The following SMARCC2 variants were observed in gnomAD, a reference collection of about 807,000 sequenced individuals.
SMARCC2 encodes SWI/SNF related BAF chromatin remodeling complex subunit C2, also known as SWI/SNF complex subunit SMARCC2.
A neutral mutation model predicts 151.3 loss-of-function variants in SMARCC2; 15 were observed. The ratio of observed to expected loss-of-function variants is 0.10; its 90% confidence interval spans 0.07 to 0.15. SMARCC2 has a LOEUF of 0.15. SMARCC2 is among the 10% of genes least tolerant of loss of function. The pLI, the probability that SMARCC2 is intolerant of heterozygous loss-of-function variation, is 1.00. For missense variants in SMARCC2, 1,031 were observed against 1,599.7 expected, an observed-to-expected ratio of 0.64 and a Z score of 6.06; for synonymous variants, 590 against 609.5, an observed-to-expected ratio of 0.97 and a Z score of 0.47.
intron 26 of SMARCC2, 42 bp downstream of exon 26, chr12:56,168,018 T>C: frequency 1.9e-6 from 3 of 1,576,424 alleles, no homozygotes; most frequent in Non-Finnish European, 2.6e-6. Flanking sequence ...GATTTTAAAC[T>C]GAGGCACAGC....
intron 28 of SMARCC2, 37 bp downstream of exon 28, chr12:56,164,265 CT>C (rs1565889335): frequency 1.9e-6 from 3 of 1,596,098 alleles, no homozygotes; most frequent in Non-Finnish European, 2.6e-6. Flanking sequence ...AGGTGGACCC[CT>C]CTCCCTCACC....
chr12:56,181,031 T>A lies in SMARCC2; in HGVS notation c.1027A>T (p.Met343Leu). Residue 343 changes from methionine (M) to leucine (L), a missense_variant, in exon 11 of 29, where the codon ATG (methionine) becomes TTG (leucine). Met to Leu is a conservative substitution (Grantham distance 15, BLOSUM62 2). Around this residue, in one of 12 missense-constraint regions of SMARCC2, gnomAD observed 127 missense variants for 141.7 expected, o/e 0.90. Transcript: ENST00000550164. ...TTGGGGACTGGTGAGGGCTCGTCCA[T>A]GTCCTTTGTCAGGTCTTCTTGCTCC... The part of the protein sequence containing the change: ...EEEQEDLTKD[M>L]DEPSPVPNVE... The A allele has an allele frequency of 6.2e-7, 1 of 1,614,044 alleles. No homozygotes were observed. The highest frequency in any genetic ancestry group is 8.5e-7 in the Non-Finnish European group (1 of 1,179,966).
At chr12:56,186,949 T>C in intron 2 of SMARCC2, 1 of 405,964 alleles carries the variant, frequency 2.5e-6, no homozygotes, top group South Asian at 2.6e-5. Context: ...GAGAGACCTG[T>C]GGACTGATCC....
rs1018309569 is a variant in SMARCC2, at chr12:56,163,300, A to T, written c.*389T>A. ...GGTTATTTTTTAGTGGGTAGAAGGG[A>T]GCTCCAATGTGGCTTTTTAAAATCT... On this transcript the variant is annotated 3_prime_UTR_variant, in exon 29 of 29. Coordinates refer to ENST00000550164, the MANE Select transcript of SMARCC2 (RefSeq NM_001330288.2). The T allele has an allele frequency of 6.6e-6, 1 of 152,206 alleles. No individual in the cohort carries two copies. The highest frequency in any genetic ancestry group is 1.5e-5 in the Non-Finnish European group (1 of 68,886). The allele number at this position is 152,206 out of a possible 1,614,324, so 9.4% of individuals were successfully genotyped here.
At chr12:56,170,355 C>T (rs1206455404) in intron 22 of SMARCC2, 147 bp from the exon 23 acceptor site, 5 of 699,682 alleles carry the variant, frequency 7.1e-6, no homozygotes, top group African/African-American at 1.8e-5. Context: ...CCTCCCACCT[C>T]AGCCTCCTGA....
chr12:56,165,506 T>C lies in SMARCC2; in HGVS notation c.3044A>G (p.His1015Arg). 5 of 1,595,342 alleles carry C rather than the reference T, an allele frequency of 3.1e-6. No individual in the cohort carries two copies. In the African/African-American group the frequency reaches 6.7e-5, roughly 21 times the overall value. Residue 1015 changes from histidine to arginine, a missense_variant, in exon 27 of 29, where the codon CAT becomes CGT. By Grantham distance (29) the His-to-Arg change is conservative. Coordinates refer to ENST00000550164, the MANE Select transcript of SMARCC2 (RefSeq NM_001330288.2). ...AGAGGCTGGAGCCACAGCCAAGCCA[T>C]GGACTGCGGGTGGCCCAGCAGCCCC... ...PTGAAGPPAV[H>R]GLAVAPASVV... is the part of the protein sequence containing the mutation.
intron 15 of SMARCC2, among the ~76,000 whole-genome samples, 169 bp from the exon 16 acceptor site, chr12:56,174,933 G>A (rs769552171): frequency 2.6e-5 from 4 of 152,056 alleles, no homozygotes; most frequent in Non-Finnish European, 4.4e-5. Context: ...AGATGAAAGG[G>A]TTTCAAATAT....
chr12:56,187,021 G>T, intron 2 of SMARCC2, 166 bp downstream of exon 2: 1 of 598,818 alleles, frequency 1.7e-6, no homozygotes, highest in Non-Finnish European at 2.9e-6. Context: ...TGGTAAACTG[G>T]AGACTAGGCC....
intron 20 of SMARCC2, 123 bp from the exon 21 acceptor site, chr12:56,172,060 T>C (rs1442168392): frequency 2.4e-6 from 2 of 839,920 alleles, no homozygotes; most frequent in Non-Finnish European, 3.7e-6. Context: ...TTGTGTACTC[T>C]GCTAGGTCCA....
Position 56,178,931 on chromosome 12 carries a change from A to C in SMARCC2, c.1141+66T>G, listed in dbSNP as rs1224233646. On this transcript the variant is annotated intron_variant, in intron 12 of 28. Transcript: ENST00000550164. ...CCAAAAGCCCATCAGGCTAGCGAAA[A>C]GGGGGCAGCTGAGCCCTCCCCTTCC... The C allele has an allele frequency of 4.4e-6, 7 of 1,600,722 alleles. No homozygotes were observed. In the East Asian group the frequency reaches 1.1e-4, roughly 26 times the overall value.
Position 56,173,776 on chromosome 12 carries a change from C to G in SMARCC2, c.1570G>C (p.Gly524Arg). 6.2e-7 allele frequency: 1 copy of G among 1,614,014 alleles called. No homozygotes were observed. The change falls in exon 17 of 29, where the codon GGG (glycine) becomes CGG (arginine). Residue 524 changes from glycine to arginine, a missense_variant. Physicochemically the swap from Gly to Arg is moderately radical, Grantham distance 125 (BLOSUM62 -2). This residue lies in a region of SMARCC2 where 99 missense variants were observed against 148.3 expected (regional missense o/e 0.67). Coordinates refer to ENST00000550164, the MANE Select transcript of SMARCC2 (RefSeq NM_001330288.2). The part of the protein sequence containing the change: ...VDAESRPTPM[G>R]PPPTSHFHVL... ...TGGAAGTGAGAGGTAGGCGGAGGCC[C>G]CATTGGGGTTGGTCGACTCTCAGCA...
chr12:56,176,507 T>G (rs1874996902), intron 15 of SMARCC2, among the ~76,000 whole-genome samples: 1 of 152,164 alleles, frequency 6.6e-6, no homozygotes, highest in South Asian at 2.1e-4. Flanking sequence ...AGACGGAGTC[T>G]TGCTCTGTCG....
intron 26 of SMARCC2, 134 bp downstream of exon 26, chr12:56,167,926 C>T (rs1873122819): frequency 2.9e-6 from 3 of 1,017,824 alleles, no homozygotes; most frequent in African/African-American, 2.0e-5. Context: ...GCTTTCCCCA[C>T]TGTTGCTTAT....
rs755195387 is a variant in SMARCC2, at chr12:56,164,424, C to T, written c.3540G>A (p.Ala1180=). The change falls in exon 28 of 29, where the codon GCG becomes GCA. Residue 1180 remains alanine (A), a synonymous_variant. Coordinates refer to ENST00000550164, the MANE Select transcript of SMARCC2 (RefSeq NM_001330288.2). ...MANPLHPNLP[A]TTTMPSSLPL... Reference sequence around the variant, plus strand: ...GCAAGGAAGATGGCATGGTGGTGGTCGCCGGCAGGTTAGGATGTAGAGGGT... The same window carrying T: ...GCAAGGAAGATGGCATGGTGGTGGTTGCCGGCAGGTTAGGATGTAGAGGGT... The T allele has an allele frequency of 6.8e-6, 11 of 1,613,760 alleles. No individual in the cohort carries two copies. Among genetic ancestry groups the T allele is most frequent in the African/African-American group, 4.0e-5 (3 of 74,882 alleles).
rs752766888 is a variant in SMARCC2, at chr12:56,172,613, A to G, written c.1835T>C (p.Met612Thr). The change falls in exon 19 of 29, where the codon ATG (methionine) becomes ACG (threonine). Residue 612 changes from methionine to threonine, a missense_variant. By Grantham distance (81) the Met-to-Thr change is moderately conservative (BLOSUM62 -1). Coordinates refer to ENST00000550164, the MANE Select transcript of SMARCC2 (RefSeq NM_001330288.2). ...GGAGGGAACATTCTTTTTTGTGTAC[A>G]TGTCTGTGCGCAGCCCAAAGTTTTG... The part of the protein sequence containing the change: ...DMQNFGLRTD[M>T]YTKKNVPSKS... 3 of 1,613,948 alleles carry G rather than the reference A, an allele frequency of 1.9e-6. No homozygotes were observed. Among genetic ancestry groups the G allele is most frequent in the East Asian group, 2.2e-5 (1 of 44,882 alleles).
rs904361416 is a variant in SMARCC2 at position 56,186,470 on chromosome 12, C to T, written c.232-230G>A. On this transcript the variant is annotated intron_variant, in intron 2 of 28. Coordinates refer to ENST00000550164, the MANE Select transcript of SMARCC2 (RefSeq NM_001330288.2). ...GGTTCAAGCAATTCTCCTGTCTCAG[C>T]CTCCTGAGTAGCTGGCATTACAGGC... 5 of 494,478 alleles carry T rather than the reference C, an allele frequency of 1.0e-5. No homozygotes were observed. In the Admixed American group the frequency reaches 1.4e-4, roughly 13 times the overall value. 30.6% of individuals were successfully genotyped at this position (494,478 alleles called of 1,614,324 possible).
At chr12:56,184,301 T>C in intron 5 of SMARCC2, 57 bp from the exon 6 acceptor site, 1 of 1,302,300 alleles carries the variant, frequency 7.7e-7, no homozygotes, top group Non-Finnish European at 1.1e-6. Context: ...TACTCAAGGT[T>C]TAGCCACAGA....
At chr12:56,178,725 G>T in intron 13 of SMARCC2, 85 bp downstream of exon 13, 1 of 1,494,130 alleles carries the variant, frequency 6.7e-7, no homozygotes, top group Non-Finnish European at 9.3e-7. Context: ...TAAAGTCTGG[G>T]CAGTGAAAAG....
chr12:56,182,031 A>G lies in SMARCC2; in HGVS notation c.681T>C (p.Asp227=), dbSNP rs1876314850. 2 of 1,612,614 alleles carry G rather than the reference A, an allele frequency of 1.2e-6. No individual in the cohort carries two copies. The highest frequency in any genetic ancestry group is 1.6e-4 in the Middle Eastern group (1 of 6,062). The change falls in exon 8 of 29, where the codon GAT becomes GAC. Residue 227 remains aspartate (D), a synonymous_variant. Coordinates refer to ENST00000550164, the MANE Select transcript of SMARCC2 (RefSeq NM_001330288.2). ...TCCTAGGTTTCTCAGGAGTTGGAGCATCTTCCACAGATGCCTCAATTTCAC... is the reference window on the plus strand; with the variant it reads ...TCCTAGGTTTCTCAGGAGTTGGAGCGTCTTCCACAGATGCCTCAATTTCAC... The part of the protein sequence containing the change: ...PASEIEASVE[D]APTPEKPRKV...
Sources: gnomAD v4.1 joint callset for allele counts (sites outside exome capture counted in the v4.1 genomes callset) on GRCh38, gnomAD v4.1.1 for gene constraint, gnomAD v4.1.1 regional missense constraint, MANE v1.5 for transcripts, NCBI Gene and HGNC (gene_info 2026-07-23, HGNC 2026-07-21) for gene names.